DCDC1: variants seen among roughly 807,000 people sequenced by gnomAD.
DCDC1 encodes doublecortin domain containing 1.
In DCDC1, 200 loss-of-function variants were observed where a neutral mutation model predicts 178.3. The observed-to-expected ratio is 1.12, with a 90% CI of 1.00 to 1.26. The LOEUF is 1.26. Among genes scored for constraint, DCDC1 ranks in the 50% most tolerant of loss-of-function variants. The pLI is 0.00. For missense variants in DCDC1, 1,983 were observed against 1,749.2 expected (o/e 1.13, Z -2.38); for synonymous variants, 690 against 604.8 (o/e 1.14, Z -2.07).
intron 6 of DCDC1, among the ~76,000 whole-genome samples, chr11:31,293,452 G>C (rs756460401): frequency 6.6e-6 from 1 of 152,130 alleles, no homozygotes; most frequent in Non-Finnish European, 1.5e-5. Context: ...TCCAAGGCCA[G>C]GACTAGGGTG....
intron 9 of DCDC1, among the ~76,000 whole-genome samples, chr11:31,196,577 T>C (rs1970721157): frequency 6.6e-6 from 1 of 152,032 alleles, no homozygotes; most frequent in Non-Finnish European, 1.5e-5. Context: ...ACCAGTTTAT[T>C]ATAAAGGCTA....
chr11:31,120,021 C>A (rs932376182), intron 11 of DCDC1, among the ~76,000 whole-genome samples: 5 of 152,116 alleles, frequency 3.3e-5, no homozygotes, highest in African/African-American at 9.7e-5. Flanking sequence ...GTCTTCTGGA[C>A]AAGGCTATTT....
chr11:31,276,749 G>C, intron 7 of DCDC1, among the ~76,000 whole-genome samples: 1 of 152,094 alleles, frequency 6.6e-6, no homozygotes, highest in East Asian at 1.9e-4. Context: ...ATAAAGGTAA[G>C]TGAAAGAATG....
At chr11:31,350,727 C>A (rs926894072) in intron 1 of DCDC1, among the ~76,000 whole-genome samples, 1 of 152,088 alleles carries the variant, frequency 6.6e-6, no homozygotes, top group African/African-American at 2.4e-5. Flanking sequence ...TAATATGTGA[C>A]ATGAAACATG....
At chr11:31,193,430 T>C (rs1050043827) in intron 9 of DCDC1, among the ~76,000 whole-genome samples, 4 of 152,006 alleles carry the variant, frequency 2.6e-5, no homozygotes, top group African/African-American at 4.8e-5. Flanking sequence ...GAGTATTTCA[T>C]ATCTTGGGTT....
intron 9 of DCDC1, chr11:31,155,978 G>A (rs1328344187): frequency 1.3e-5 from 2 of 152,166 alleles, no homozygotes; most frequent in Admixed American, 6.6e-5. Context: ...CTTGATGACT[G>A]GAATCTAAAA....
chr11:31,241,216 G>A (rs1240098037), intron 9 of DCDC1, among the ~76,000 whole-genome samples: 1 of 151,802 alleles, frequency 6.6e-6, no homozygotes. Flanking sequence ...CCCAGTATGC[G>A]CTGCAAGAAA....
intron 17 of DCDC1, among the ~76,000 whole-genome samples, chr11:31,086,556 G>A (rs1223303485): frequency 1.3e-5 from 2 of 152,120 alleles, no homozygotes; most frequent in African/African-American, 4.8e-5. Context: ...TATTGTTGAA[G>A]TGTAACTTGT....
chr11:31,065,728 A>G (rs1230700696), intron 18 of DCDC1, among the ~76,000 whole-genome samples: 1 of 152,222 alleles, frequency 6.6e-6, no homozygotes, highest in Non-Finnish European at 1.5e-5. Context: ...TATTAATGAT[A>G]TACTAAATAC....
intron 20 of DCDC1, among the ~76,000 whole-genome samples, chr11:31,016,163 T>A (rs1952475968): frequency 6.6e-6 from 1 of 152,202 alleles, no homozygotes; most frequent in Non-Finnish European, 1.5e-5. Flanking sequence ...ATAATAATAC[T>A]TCCCGTAAGA....
chr11:30,962,464 G>A (rs982789277), intron 20 of DCDC1, among the ~76,000 whole-genome samples: 1 of 151,876 alleles, frequency 6.6e-6, no homozygotes, highest in African/African-American at 2.4e-5. Context: ...CTAAGAATAA[G>A]AAATCATTTC....
intron 7 of DCDC1, among the ~76,000 whole-genome samples, chr11:31,275,086 G>A (rs1414124576): frequency 6.6e-6 from 1 of 151,986 alleles, no homozygotes; most frequent in Non-Finnish European, 1.5e-5. Context: ...CCATATCCAG[G>A]TACTTGGCAG....
intron 1 of DCDC1, among the ~76,000 whole-genome samples, chr11:31,348,480 A>G (rs534367884): frequency 6.6e-6 from 1 of 152,324 alleles, no homozygotes; most frequent in Admixed American, 6.5e-5. Flanking sequence ...CCACTAAACA[A>G]GAGGTTGTAT....
intron 20 of DCDC1, among the ~76,000 whole-genome samples, chr11:30,953,206 T>C (rs1189167497): frequency 6.7e-6 from 1 of 149,840 alleles, no homozygotes; most frequent in Non-Finnish European, 1.5e-5. Flanking sequence ...AAATCAGATA[T>C]AAATGCAATT....
At chr11:31,098,587 C>T (rs985096107) in intron 15 of DCDC1, among the ~76,000 whole-genome samples, 3 of 152,200 alleles carry the variant, frequency 2.0e-5, no homozygotes, top group African/African-American at 4.8e-5. Context: ...TCAAGAATAT[C>T]GGCTTTTGCC....
chr11:30,965,722 G>C (rs1467667296), intron 20 of DCDC1, among the ~76,000 whole-genome samples: 14 of 141,960 alleles, frequency 9.9e-5, no homozygotes, highest in Middle Eastern at 3.6e-3. Flanking sequence ...TCTAGCATTA[G>C]GTATATCTCC....
chr11:31,096,940 C>T (rs1048150438), intron 15 of DCDC1, among the ~76,000 whole-genome samples: 1 of 152,018 alleles, frequency 6.6e-6, no homozygotes, highest in East Asian at 1.9e-4. Context: ...TGCGCGCGCC[C>T]GTGTACACAC....
chr11:31,087,531 T>C (rs962000473), intron 17 of DCDC1, among the ~76,000 whole-genome samples: 4 of 152,124 alleles, frequency 2.6e-5, no homozygotes, highest in Admixed American at 6.5e-5. Flanking sequence ...TTTTAATATG[T>C]TGTATTTTCA....
At chr11:31,336,982 C>T (rs1165460041) in intron 1 of DCDC1, among the ~76,000 whole-genome samples, 1 of 152,212 alleles carries the variant, frequency 6.6e-6, no homozygotes, top group African/African-American at 2.4e-5. Flanking sequence ...CCTCTGACAA[C>T]ATGGAGTACC....
Sources: gnomAD v4.1 joint callset for allele counts (sites outside exome capture counted in the v4.1 genomes callset) on GRCh38, gnomAD v4.1.1 for gene constraint, MANE v1.5 for transcripts, NCBI Gene and HGNC (gene_info 2026-07-23, HGNC 2026-07-21) for gene names.